MET: variants seen among roughly 807,000 people sequenced by gnomAD.
MET encodes the protein MET proto-oncogene, receptor tyrosine kinase.
Under a neutral mutation model 133.1 loss-of-function variants are expected in MET, and 48 were observed. That is an observed-to-expected ratio of 0.36 (90% CI 0.29 to 0.46). MET has a LOEUF of 0.46. MET is among the 20% of genes least tolerant of loss of function. The pLI, the probability that MET is intolerant of heterozygous loss-of-function variation, is 1.00. For missense variants in MET, 1,442 were observed against 1,695.9 expected, an observed-to-expected ratio of 0.85 and a Z score of 2.63; for synonymous variants, 628 against 616.5, an observed-to-expected ratio of 1.02 and a Z score of -0.28.
intron 1 of MET, among the ~76,000 whole-genome samples, chr7:116,695,458 C>T (rs544583021): frequency 2.0e-5 from 3 of 152,200 alleles, no homozygotes; most frequent in African/African-American, 4.8e-5. Flanking sequence ...TCTTTTTGAT[C>T]CTTAAAATGG....
At chr7:116,754,931 GAAAGAAAGAA>G (rs1794085051) in intron 5 of MET, among the ~76,000 whole-genome samples, 2 of 138,224 alleles carry the variant, frequency 1.4e-5, no homozygotes, top group Admixed American at 7.4e-5. Flanking sequence ...AAGAAAGAAA[GAAAGAAAGAA>G]AGAAAGAAAG....
At chr7:116,728,271 G>A (rs1792870073) in intron 2 of MET, among the ~76,000 whole-genome samples, 2 of 152,104 alleles carry the variant, frequency 1.3e-5, no homozygotes. Context: ...CCAACATTGT[G>A]CAATGTCTCT....
intron 2 of MET, among the ~76,000 whole-genome samples, chr7:116,719,518 C>G (rs1337846579): frequency 3.9e-5 from 6 of 152,096 alleles, no homozygotes; most frequent in Non-Finnish European, 5.9e-5. Flanking sequence ...TCAATTTTGG[C>G]TTTTGTTGCC....
At chr7:116,731,456 G>A (rs182722031) in intron 2 of MET, among the ~76,000 whole-genome samples, 18 of 152,296 alleles carry the variant, frequency 1.2e-4, no homozygotes, top group Admixed American at 1.0e-3. Flanking sequence ...TGTGAATTGC[G>A]ATAGTAAGGT....
At chr7:116,781,425 A>G (rs1477334210) in intron 17 of MET, among the ~76,000 whole-genome samples, 1 of 152,202 alleles carries the variant, frequency 6.6e-6, no homozygotes. Flanking sequence ...CCATTTTCCC[A>G]TCTGGAAAAT....
In MET at chr7:116,790,216, T is replaced by A. The variant is rs1465041382; in HGVS notation, c.3799-5439T>A. On this transcript the variant is annotated intron_variant, in intron 19 of 20. Transcript: ENST00000397752. Reference sequence around the variant, plus strand: ...TATGTGAACATTGTTGTGCAATAGATTCCTAGAACTTTTTCATCTTAGCAA... The same window carrying A: ...TATGTGAACATTGTTGTGCAATAGAATCCTAGAACTTTTTCATCTTAGCAA... Among the ~76,000 whole-genome samples, 4 of 152,206 alleles carry A rather than the reference T, an allele frequency of 2.6e-5. No homozygotes were observed. In the East Asian group the frequency reaches 7.7e-4, roughly 29 times the overall value.
rs930169564 is a variant in MET, at chr7:116,703,960, G to A, written c.1200+3676G>A. ...CTTGAAGTTCTATTATCAAAGTTTT[G>A]CTCTATAGATAAGCATTTGAAAGAC... On this transcript the variant is annotated intron_variant, in intron 2 of 20. Coordinates refer to ENST00000397752, the MANE Select transcript of MET (RefSeq NM_000245.4). Among the ~76,000 whole-genome samples the A allele has an allele frequency of 2.0e-5, 3 of 152,092 alleles. No homozygotes were observed. The East Asian group carries it at 5.8e-4, about 29-fold the overall frequency.
At position 116,762,046 on chromosome 7, in the gene MET, CTA is replaced by C. The variant is rs150431962; in HGVS notation, c.2365-1002_2365-1001del. ...GCAACCGTTAACCTTAGATGTACCA[CTA>C]TGTGTTGCTGGTTTAGTCTAAGTAC... On this transcript the variant is annotated intron_variant, in intron 10 of 20. Transcript: ENST00000397752. 6.7e-3 allele frequency among the ~76,000 whole-genome samples: 1,023 copies of C among 152,272 alleles called. 27 individuals carry two copies. The highest frequency in any genetic ancestry group is 0.046 in the East Asian group (239 of 5,186).
intron 12 of MET, 117 bp from the exon 13 acceptor site, chr7:116,771,381 T>C: frequency 8.6e-7 from 1 of 1,165,106 alleles, no homozygotes; most frequent in Non-Finnish European, 1.3e-6. Flanking sequence ...AAGGCAGTTA[T>C]GCCATTTGTA....
chr7:116,738,620 A>T (rs1793325749), intron 3 of MET, among the ~76,000 whole-genome samples: 1 of 152,172 alleles, frequency 6.6e-6, no homozygotes, highest in African/African-American at 2.4e-5. Flanking sequence ...TTAGAGCACA[A>T]ATGTCATGAT....
At chr7:116,714,624 C>T (rs1792120395) in intron 2 of MET, among the ~76,000 whole-genome samples, 1 of 152,038 alleles carries the variant, frequency 6.6e-6, no homozygotes, top group Non-Finnish European at 1.5e-5. Flanking sequence ...GAGGCTAGAC[C>T]CAAGGTAGAA....
At chr7:116,783,679 C>T (rs912941387) in intron 19 of MET, among the ~76,000 whole-genome samples, 1 of 152,176 alleles carries the variant, frequency 6.6e-6, no homozygotes, top group Non-Finnish European at 1.5e-5. Context: ...AGTGGGGCAA[C>T]ATACCAGCTC....
At position 116,699,057 on chromosome 7, in the gene MET, A is replaced by G; in HGVS notation, c.-14-14A>G. 6.2e-7 allele frequency: 1 copy of G among 1,613,524 alleles called. No homozygotes were observed. The highest frequency in any genetic ancestry group is 8.5e-7 in the Non-Finnish European group (1 of 1,179,762). On this transcript the variant is annotated splice_polypyrimidine_tract_variant and intron_variant, in intron 1 of 20. Coordinates refer to ENST00000397752, the MANE Select transcript of MET (RefSeq NM_000245.4). ...GACAACTGAACTGCTCTCGCCTTGA[A>G]CCTGTTTTGGCAGATAAACCTCTCA...
intron 2 of MET, among the ~76,000 whole-genome samples, chr7:116,708,723 G>C (rs1791887541): frequency 6.6e-6 from 1 of 152,076 alleles, no homozygotes. Flanking sequence ...GAAAATCACT[G>C]TTTCTTACAT....
chr7:116,756,710 G>C (rs1794191776), intron 6 of MET, among the ~76,000 whole-genome samples: 1 of 152,140 alleles, frequency 6.6e-6, no homozygotes, highest in Non-Finnish European at 1.5e-5. Context: ...GCATGTACAA[G>C]TATAACCACA....
chr7:116,748,719 C>G (rs1793796686), intron 5 of MET, among the ~76,000 whole-genome samples: 1 of 151,970 alleles, frequency 6.6e-6, no homozygotes, highest in Non-Finnish European at 1.5e-5. Flanking sequence ...CCAGAATCAT[C>G]AAGAAGAAAA....
rs186524917 is a variant in MET at position 116,781,976 on chromosome 7, C to G, written c.3523-12C>G. 962 of 1,561,002 alleles carry G rather than the reference C, an allele frequency of 6.2e-4. 4 individuals are homozygous for G. The Middle Eastern group carries it at 9.7e-3, about 16-fold the overall frequency. On this transcript the variant is annotated splice_polypyrimidine_tract_variant and intron_variant, in intron 17 of 20. Coordinates refer to ENST00000397752, the MANE Select transcript of MET (RefSeq NM_000245.4). The stretch of plus-strand genomic sequence containing the variant: ...GCTTAGTTTATGCTTTTCTAACTCT[C>G]TTTGACTGCAGAATCCAACTGTAAA...
intron 1 of MET, among the ~76,000 whole-genome samples, chr7:116,686,590 T>C (rs1796567831): frequency 1.3e-5 from 2 of 152,226 alleles, no homozygotes; most frequent in African/African-American, 4.8e-5. Flanking sequence ...ATCCCAAGCA[T>C]CTGATGCATA....
chr7:116,683,859 T>C (rs1006469219), intron 1 of MET, among the ~76,000 whole-genome samples: 2 of 152,214 alleles, frequency 1.3e-5, no homozygotes, highest in African/African-American at 2.4e-5. Context: ...CTTTAAAACA[T>C]AAAGGTTAGA....
Sources: gnomAD v4.1 joint callset for allele counts (sites outside exome capture counted in the v4.1 genomes callset) on GRCh38, gnomAD v4.1.1 for gene constraint, MANE v1.5 for transcripts, NCBI Gene and HGNC (gene_info 2026-07-23, HGNC 2026-07-21) for gene names.